PWWP2A: variants seen among roughly 807,000 people sequenced by gnomAD.
PWWP2A encodes the protein PWWP domain-containing protein 2A.
A neutral mutation model predicts 48.5 loss-of-function variants in PWWP2A; 18 were observed. The ratio of observed to expected loss-of-function variants is 0.37; its 90% confidence interval spans 0.26 to 0.55. The LOEUF (loss-of-function observed/expected upper bound fraction) is 0.55. Ranked by LOEUF, PWWP2A falls within the 20% of genes least tolerant of loss-of-function variation. The pLI is 0.81. For synonymous variants in PWWP2A, 396 were observed against 387.7 expected, an observed-to-expected ratio of 1.02 and a Z score of -0.25; for missense variants, 867 against 976.4, an observed-to-expected ratio of 0.89 and a Z score of 1.49.
intron 1 of PWWP2A, among the ~76,000 whole-genome samples, chr5:160,115,524 C>T (rs1758033472): frequency 6.6e-6 from 1 of 151,964 alleles, no homozygotes; most frequent in African/African-American, 2.4e-5. Context: ...AAACCCCCGT[C>T]TCTACTAAAA....
At chr5:160,109,348 TC>T (rs1157792338) in intron 1 of PWWP2A, among the ~76,000 whole-genome samples, 1 of 143,246 alleles carries the variant, frequency 7.0e-6, no homozygotes, top group Non-Finnish European at 1.5e-5. Flanking sequence ...CATCCCCTGC[TC>T]CAAAAAAAAA....
intron 2 of PWWP2A, among the ~76,000 whole-genome samples, chr5:160,082,297 A>C (rs1334778370): frequency 6.6e-6 from 1 of 151,870 alleles, no homozygotes; most frequent in African/African-American, 2.4e-5. Context: ...ACAAAAAATT[A>C]GCCGGGCGTG....
chr5:160,048,576 T>C, the PWWP2A span, among the ~76,000 whole-genome samples: 1 of 152,210 alleles, frequency 6.6e-6, no homozygotes, highest in Non-Finnish European at 1.5e-5. Flanking sequence ...AAGGAAAAGA[T>C]ATTATGCATC....
chr5:160,084,078 G>C lies in PWWP2A; in HGVS notation c.1550-3308C>G, dbSNP rs532610831. On this transcript the variant is annotated intron_variant, in intron 2 of 3. Coordinates refer to the PWWP2A transcript ENST00000456329. ...ACTGAGTATATGTTGCAGAATGATA[G>C]TATCGAAAGCTACCAGAATTTACCG... Among the ~76,000 whole-genome samples, 3 of 152,176 alleles carry C rather than the reference G, an allele frequency of 2.0e-5. No homozygotes were observed. The South Asian group carries it at 6.2e-4, about 32-fold the overall frequency.
the PWWP2A span, among the ~76,000 whole-genome samples, chr5:160,048,949 TAAA>T: frequency 1.3e-5 from 2 of 149,954 alleles, no homozygotes; most frequent in Non-Finnish European, 3.0e-5. Context: ...AGACTCCGTC[TAAA>T]AAAAAAAAAT....
chr5:160,093,748 A>G lies in PWWP2A; in HGVS notation c.902T>C (p.Met301Thr). ...TATTGAAGTGGGTTCTTCCCTGTAC[A>G]TTTTTCGTTTGGGTCGCTTAATTTT... ...PRKIKRPKRK[M>T]YREEPTSIMN... The change falls in exon 2 of 2, where the codon ATG becomes ACG. Residue 301 changes from methionine (M) to threonine (T), a missense_variant. Physicochemically the swap from Met to Thr is moderately conservative, Grantham distance 81 (BLOSUM62 -1). Transcript: ENST00000307063. The surrounding 1 kb of genome is among the most constrained non-coding windows in gnomAD (Gnocchi z 5.8). 6.2e-7 allele frequency: 1 copy of G among 1,613,798 alleles called. No homozygotes were observed. Among genetic ancestry groups the G allele is most frequent in the African/African-American group, 1.3e-5 (1 of 74,954 alleles).
At position 160,092,954 on chromosome 5, in the gene PWWP2A, C is replaced by G; in HGVS notation, c.1696G>C (p.Val566Leu). The change falls in exon 2 of 2, where the codon GTT becomes CTT. Residue 566 changes from valine (V) to leucine (L), a missense_variant. This residue lies in a region of PWWP2A where 382 missense variants were observed against 407.2 expected (regional missense o/e 0.94). Transcript: ENST00000307063. ...GKKGSKNNIS[V>L]YMTLNQKKSD... ...TTCTTTTGATTTAGGGTCATATAAA[C>G]AGAGATATTGTTTTTGCTGCCCTTT... is the stretch of plus-strand genomic sequence containing the variant. The G allele has an allele frequency of 6.4e-7, 1 of 1,552,276 alleles. No individual in the cohort carries two copies. Among genetic ancestry groups the G allele is most frequent in the Non-Finnish European group, 8.7e-7 (1 of 1,147,262 alleles).
At chr5:160,118,663 G>C (rs1211246779) in intron 1 of PWWP2A, 142 bp downstream of exon 1, 2 of 846,276 alleles carry the variant, frequency 2.4e-6, no homozygotes, top group African/African-American at 1.8e-5. Context: ...CCCACTCGGA[G>C]CGCGCGCCAC....
intron 1 of PWWP2A, among the ~76,000 whole-genome samples, chr5:160,100,929 A>G (rs1756210819): frequency 6.6e-6 from 1 of 152,250 alleles, no homozygotes; most frequent in Non-Finnish European, 1.5e-5. Flanking sequence ...ATATTAGCCA[A>G]AAAGGTGGAA....
At chr5:160,052,563 A>AAAC in the PWWP2A span, among the ~76,000 whole-genome samples, 1 of 151,484 alleles carries the variant, frequency 6.6e-6, no homozygotes, top group Non-Finnish European at 1.5e-5. Flanking sequence ...AAAAAAAAAA[A>AAAC]AAAAAAAAAA....
chr5:160,084,632 T>C (rs997543262), intron 2 of PWWP2A, among the ~76,000 whole-genome samples: 2 of 151,862 alleles, frequency 1.3e-5, no homozygotes, highest in African/African-American at 4.8e-5. Context: ...AGTTTCACCA[T>C]GTTGCCGAAG....
At chr5:160,115,220 C>A (rs1471268999) in intron 1 of PWWP2A, among the ~76,000 whole-genome samples, 2 of 149,480 alleles carry the variant, frequency 1.3e-5, no homozygotes. Flanking sequence ...AACGGACTGG[C>A]AGTCATCATG....
In PWWP2A at chr5:160,067,266, AAC is replaced by A. The variant is rs1335917595; in HGVS notation, c.*80-397_*80-396del. ...AGACTCTTTAATTTTGTATTATGAA[AAC>A]AGTTTTCATAAGACAAAATTTTGTC... On this transcript the variant is annotated intron_variant and NMD_transcript_variant, in intron 2 of 5. Coordinates refer to the PWWP2A transcript ENST00000524050. Among the ~76,000 whole-genome samples the A allele has an allele frequency of 3.9e-5, 6 of 152,256 alleles. No homozygotes were observed. The East Asian group carries it at 5.8e-4, about 15-fold the overall frequency.
At position 160,105,022 on chromosome 5, in the gene PWWP2A, G is replaced by C. The variant is rs116747048; in HGVS notation, c.585-10957C>G. ...TTCTGGAGGCCAAAGCAGGAGTATC[G>C]TTTGAGCCTAGGTGTTCAAGACATT... On this transcript the variant is annotated intron_variant, in intron 1 of 1. Coordinates refer to ENST00000307063, the MANE Select transcript of PWWP2A (RefSeq NM_001130864.2). Among the ~76,000 whole-genome samples the C allele has an allele frequency of 4.2e-3, 644 of 152,142 alleles. 6 individuals carry two copies. Among genetic ancestry groups the C allele is most frequent in the African/African-American group, 0.014 (588 of 41,506 alleles).
intron 1 of PWWP2A, among the ~76,000 whole-genome samples, chr5:160,110,760 A>G (rs1170146361): frequency 1.3e-5 from 2 of 150,904 alleles, no homozygotes; most frequent in Admixed American, 1.3e-4. Flanking sequence ...GGCTGGGTGC[A>G]GTGGCTCACG....
chr5:160,055,285 A>G, the PWWP2A span, among the ~76,000 whole-genome samples: 2 of 152,342 alleles, frequency 1.3e-5, no homozygotes, highest in East Asian at 3.9e-4. Flanking sequence ...TTGATCTGTC[A>G]TCTCAGCTTA....
chr5:160,075,561 C>G (rs889108088), downstream of PWWP2A, among the ~76,000 whole-genome samples: 1 of 151,936 alleles, frequency 6.6e-6, no homozygotes, highest in African/African-American at 2.4e-5. Flanking sequence ...CAAAAGAAAA[C>G]AAGACAAACC....
In PWWP2A at chr5:160,065,017, C is replaced by T. The variant is rs145026206; in HGVS notation, c.*237-1344G>A. ...TCCAGATCAAACAGGATTCCTCTAC[C>T]GGCTCGTACTCCATCAATTTCGTTC... On this transcript the variant is annotated intron_variant and NMD_transcript_variant, in intron 4 of 5. Coordinates refer to the PWWP2A transcript ENST00000524050. The T allele has an allele frequency of 9.0e-5, 146 of 1,613,868 alleles. No homozygotes were observed. In the African/African-American group the frequency reaches 1.2e-3, roughly 13 times the overall value.
chr5:160,047,537 T>C, the PWWP2A span, among the ~76,000 whole-genome samples: 2 of 152,320 alleles, frequency 1.3e-5, no homozygotes, highest in South Asian at 4.2e-4. Context: ...CAGCTTTCAG[T>C]CTTGCCCCAC....
Sources: allele counts gnomAD v4.1 joint callset (sites outside exome capture counted in the v4.1 genomes callset), GRCh38; gene constraint gnomAD v4.1.1; regional missense constraint gnomAD v4.1.1; non-coding constraint Gnocchi (gnomAD v3.1); transcripts MANE v1.5; gene names NCBI Gene and HGNC (gene_info 2026-07-23, HGNC 2026-07-21).